PDXDC1: variants seen among roughly 807,000 people sequenced by gnomAD.
PDXDC1 encodes pyridoxal-dependent decarboxylase domain-containing protein 1.
PDXDC1 carries 42 observed loss-of-function variants against 100.1 expected under a neutral mutation model. The ratio of observed to expected loss-of-function variants is 0.42; its 90% CI spans 0.33 to 0.54. The LOEUF is 0.54. Among genes scored for constraint, PDXDC1 ranks in the 20% least tolerant of loss-of-function variants. The pLI is 0.10. For synonymous variants in PDXDC1, 260 were observed against 371.7 expected (o/e 0.70, Z 3.46); for missense variants, 636 against 979.2 (o/e 0.65, Z 4.68).
chr16:15,050,960 G>A (rs575151307), intron 16 of PDXDC1, among the ~76,000 whole-genome samples: 2 of 152,354 alleles, frequency 1.3e-5, no homozygotes, highest in African/African-American at 2.4e-5. Flanking sequence ...AGAAGTCAGT[G>A]AGAAACAGGT....
At chr16:15,017,917 C>T (rs2041913960) in intron 11 of PDXDC1, among the ~76,000 whole-genome samples, 1 of 152,174 alleles carries the variant, frequency 6.6e-6, no homozygotes, top group Non-Finnish European at 1.5e-5. Flanking sequence ...GCCTCAGCCT[C>T]CCAAGTAGCT....
chr16:15,136,011 T>G lies in PDXDC1; in HGVS notation c.1400-2868T>G, dbSNP rs1045288112. ...GCCAGATGCAGTGCTCGGCTGTGGC[T>G]GGGTGTGGCTCCCCGGGCAGCCAGT... On this transcript the variant is annotated intron_variant, in intron 16 of 16. Transcript: ENST00000535621. 3.0e-4 allele frequency: 457 copies of G among 1,542,738 alleles called. 1 individual carries two copies. The highest frequency in any genetic ancestry group is 7.0e-5 in the Non-Finnish European group (80 of 1,139,512).
intron 4 of PDXDC1, among the ~76,000 whole-genome samples, chr16:15,003,216 C>CTTT (rs1217823601): frequency 2.8e-4 from 37 of 134,290 alleles, no homozygotes; most frequent in East Asian, 4.6e-4. Context: ...AGATTTAATT[C>CTTT]TTTTTTTTTT....
chr16:15,070,346 G>A (rs1398783592), intron 16 of PDXDC1: 1 of 1,039,532 alleles, frequency 9.6e-7, no homozygotes, highest in Admixed American at 2.7e-5. Context: ...TACAAACCAT[G>A]CTAAGTAAGT....
At chr16:15,134,146 G>C in intron 16 of PDXDC1, 4 of 1,240,788 alleles carry the variant, frequency 3.2e-6, no homozygotes, top group Non-Finnish European at 4.6e-6. Flanking sequence ...TGCAGGCCCC[G>C]TCCCCTCGGC....
intron 8 of PDXDC1, among the ~76,000 whole-genome samples, chr16:15,010,996 C>G (rs1190143716): frequency 6.6e-6 from 1 of 152,290 alleles, no homozygotes; most frequent in Non-Finnish European, 1.5e-5. Flanking sequence ...TAAGTCAGTT[C>G]TTCCCAAACT....
intron 16 of PDXDC1, chr16:15,130,567 C>G (rs2047998288): frequency 7.2e-7 from 1 of 1,384,518 alleles, no homozygotes; most frequent in African/African-American, 1.4e-5. Context: ...CCCACAGGGC[C>G]TGTAACCCGG....
chr16:15,110,714 A>T (rs2151870708), intron 16 of PDXDC1: 1 of 1,587,842 alleles, frequency 6.3e-7, no homozygotes, highest in East Asian at 2.2e-5. Context: ...ACTCCAACAG[A>T]ACCATACCTT....
intron 16 of PDXDC1, among the ~76,000 whole-genome samples, chr16:15,090,829 A>G (rs567915238): frequency 2.6e-5 from 4 of 151,812 alleles, no homozygotes; most frequent in Admixed American, 2.6e-4. Flanking sequence ...CTTTTACTAC[A>G]TGATAGGTGT....
At chr16:15,021,944 C>T (rs1316603703) in intron 12 of PDXDC1, among the ~76,000 whole-genome samples, 1 of 152,302 alleles carries the variant, frequency 6.6e-6, no homozygotes, top group African/African-American at 2.4e-5. Context: ...CCTGCAACTT[C>T]ACTAGAATGT....
rs781261365 is a variant in PDXDC1 at position 15,026,663 on chromosome 16, C to T, written c.1161C>T (p.Ser387=). ...IKILVEDELS[S]PVVVFRFFQE... ...TCCAGGTGGAAGATGAGCTCAGCTCCCCAGTGGTGGTGTTCAGATTTTTCC... is the reference window on the plus strand; with the variant it reads ...TCCAGGTGGAAGATGAGCTCAGCTCTCCAGTGGTGGTGTTCAGATTTTTCC... The change falls in exon 14 of 23, where the codon TCC becomes TCT. Residue 387 remains serine, a synonymous_variant. Transcript: ENST00000396410. The T allele has an allele frequency of 6.2e-7, 1 of 1,613,884 alleles. No individual in the cohort carries two copies. The highest frequency in any genetic ancestry group is 1.1e-5 in the South Asian group (1 of 91,062).
At chr16:15,086,037 T>C in intron 16 of PDXDC1, 2 of 1,130,178 alleles carry the variant, frequency 1.8e-6, no homozygotes, top group Non-Finnish European at 2.5e-6. Context: ...ATCTGGAATC[T>C]TCCATGGTAG....
At chr16:15,055,055 G>A (rs1364243792) in intron 16 of PDXDC1, among the ~76,000 whole-genome samples, 1 of 152,080 alleles carries the variant, frequency 6.6e-6, no homozygotes, top group Admixed American at 6.5e-5. Flanking sequence ...CCGAGGGCAG[G>A]GACAGTGATC....
Position 15,130,568 on chromosome 16 carries a change from T to C in PDXDC1, c.1400-8311T>C, listed in dbSNP as rs576715294. On this transcript the variant is annotated intron_variant, in intron 16 of 16. Coordinates refer to the PDXDC1 transcript ENST00000535621. ...CGCTGCCTGCCGTCCCCACAGGGCC[T>C]GTAACCCGGGCAATGCTGACCCATG... 3.7e-4 allele frequency: 509 copies of C among 1,382,074 alleles called. 4 individuals carry two copies. In the African/African-American group the frequency reaches 3.9e-3, roughly 11 times the overall value. 85.6% of individuals were successfully genotyped at this position (1,382,074 alleles called of 1,614,324 possible). A position where few individuals can be genotyped will look rare whatever the true frequency, so the allele number is the denominator to read the frequency against.
At chr16:15,019,247 G>A (rs371485113) in intron 12 of PDXDC1, among the ~76,000 whole-genome samples, 2 of 152,390 alleles carry the variant, frequency 1.3e-5, no homozygotes. Context: ...TCCAAGGAGT[G>A]GAGAAGGGTG....
chr16:15,104,114 A>G (rs2046671837), intron 16 of PDXDC1, among the ~76,000 whole-genome samples: 1 of 51,128 alleles, frequency 2.0e-5, no homozygotes, highest in African/African-American at 8.0e-5. Flanking sequence ...TTGAGGCTGC[A>G]GTGAGCTGTG....
At chr16:15,145,778 G>A in the PDXDC1 span, among the ~76,000 whole-genome samples, 3 of 152,388 alleles carry the variant, frequency 2.0e-5, no homozygotes, top group Admixed American at 1.3e-4. Flanking sequence ...CGCCCCCGCC[G>A]CTGTGCCCGC....
intron 3 of PDXDC1, among the ~76,000 whole-genome samples, chr16:15,000,047 G>A (rs938922239): frequency 1.7e-4 from 26 of 152,294 alleles, no homozygotes; most frequent in Non-Finnish European, 3.1e-4. Flanking sequence ...CATGAATAAT[G>A]CTGATGTGAA....
rs372367530 is a variant in PDXDC1 at position 15,035,541 on chromosome 16, C to G, written c.2095C>G (p.Gln699Glu). 4 of 1,606,028 alleles carry G rather than the reference C, an allele frequency of 2.5e-6. No homozygotes were observed. The highest frequency in any genetic ancestry group is 2.6e-6 in the Non-Finnish European group (3 of 1,174,498). ...AACGCCCTCGGGCAGTCGCACCAAG[C>G]AGAGGCTTCCAGGTAAGTGACGCCT... Reference protein sequence around the residue: ...PPTPSGSRTKQRLPGQKPFKR... With the variant: ...PPTPSGSRTKERLPGQKPFKR... The change falls in exon 22 of 23, where the codon CAG (glutamine) becomes GAG (glutamate). Residue 699 changes from glutamine (Q) to glutamate (E), a missense_variant. This residue lies in a region of PDXDC1 where 452 missense variants were observed against 402.9 expected (regional missense o/e 1.12). Transcript: ENST00000396410.
Sources: gnomAD v4.1 joint callset for allele counts (sites outside exome capture counted in the v4.1 genomes callset) on GRCh38, gnomAD v4.1.1 for gene constraint, gnomAD v4.1.1 regional missense constraint, MANE v1.5 for transcripts, NCBI Gene and HGNC (gene_info 2026-07-23, HGNC 2026-07-21) for gene names.